Variants in ZNF536 observed in about 807,000 individuals in gnomAD.
ZNF536 encodes the protein zinc finger protein 536.
ZNF536 carries 13 observed loss-of-function variants against 84.5 expected under a neutral mutation model. That is an observed-to-expected ratio of 0.15 (90% CI 0.10 to 0.24). ZNF536 has a LOEUF of 0.24. ZNF536 is among the 10% of genes least tolerant of loss of function. The pLI, the probability that ZNF536 is intolerant of heterozygous loss-of-function variation, is 1.00. For missense variants in ZNF536, 1,536 were observed against 1,747.5 expected (o/e 0.88, Z 2.16); for synonymous variants, 811 against 742.5 (o/e 1.09, Z -1.50).
rs747462173 is a variant in ZNF536 at position 30,443,719 on chromosome 19, C to T, written c.157C>T (p.Arg53Trp). Reference sequence around the variant, plus strand: ...CCATGCCTTCCCCGAGCTCCATCCCCGGCCCAACCCCGAGGAGAAGCCCCC... The same window carrying T: ...CCATGCCTTCCCCGAGCTCCATCCCTGGCCCAACCCCGAGGAGAAGCCCCC... ...LSHAFPELHPRPNPEEKPPAS... is the reference protein window; with the variant it reads ...LSHAFPELHPWPNPEEKPPAS... Residue 53 changes from arginine (R) to tryptophan (W), a missense_variant, in exon 2 of 5, where the codon CGG becomes TGG. By Grantham distance (101) the Arg-to-Trp change is moderately radical. Around this residue, in one of 8 missense-constraint regions of ZNF536, gnomAD observed 161 missense variants for 178.5 expected, o/e 0.90. Coordinates refer to ENST00000355537, the MANE Select transcript of ZNF536 (RefSeq NM_014717.3). 1.2e-5 allele frequency: 19 copies of T among 1,613,446 alleles called. No homozygotes were observed. The highest frequency in any genetic ancestry group is 1.5e-5 in the Non-Finnish European group (18 of 1,179,804).
In ZNF536 at chr19:30,384,098, C is replaced by CTCTTTCTTTCTT. The variant is rs749685060; in HGVS notation, c.-3+11597_-3+11608dup. ...CCTCTCTTCTTCTGCCCACCTCTTT[C>CTCTTTCTTTCTT]TCTTTCTTTCTTTCTTTCTTTCTTT... is the stretch of plus-strand genomic sequence containing the variant. On this transcript the variant is annotated intron_variant, in intron 1 of 4. Transcript: ENST00000355537. Among the ~76,000 whole-genome samples the CTCTTTCTTTCTT allele has an allele frequency of 1.4e-3, 120 of 86,562 alleles. 1 individual carries two copies. Among genetic ancestry groups the CTCTTTCTTTCTT allele is most frequent in the East Asian group, 0.01 (26 of 2,590 alleles). 56.8% of individuals were successfully genotyped at this position (86,562 alleles called of 152,430 possible).
intron 2 of ZNF536, among the ~76,000 whole-genome samples, chr19:30,327,575 G>C (rs891426722): frequency 6.6e-6 from 1 of 152,184 alleles, no homozygotes; most frequent in Non-Finnish European, 1.5e-5. Context: ...TGCCGTAATT[G>C]TTCCTGCGAA....
At chr19:30,655,822 T>G (rs1271707834) in intron 1 of ZNF536, among the ~76,000 whole-genome samples, 1 of 152,188 alleles carries the variant, frequency 6.6e-6, no homozygotes, top group Non-Finnish European at 1.5e-5. Flanking sequence ...GAGGATCACT[T>G]GAGCCTAGGA....
At chr19:30,242,340 C>G (rs1408946431) in intron 1 of ZNF536, among the ~76,000 whole-genome samples, 3 of 152,142 alleles carry the variant, frequency 2.0e-5, no homozygotes, top group African/African-American at 7.2e-5. Context: ...TGATGCCTGG[C>G]TCCCCTCTGC....
intron 2 of ZNF536, among the ~76,000 whole-genome samples, chr19:30,294,154 T>C (rs572340445): frequency 3.3e-5 from 5 of 152,104 alleles, no homozygotes; most frequent in Non-Finnish European, 7.3e-5. Flanking sequence ...TGTGCTCAGC[T>C]CTAGAGGGTG....
chr19:30,519,168 G>A (rs11671098), intron 2 of ZNF536, among the ~76,000 whole-genome samples: 14,688 of 152,268 alleles, frequency 0.096, 978 homozygotes, highest in Non-Finnish European at 0.15. Flanking sequence ...AGCCTATCGC[G>A]TCCCAAGGTT....
chr19:30,671,458 G>A (rs2050547988), intron 1 of ZNF536, among the ~76,000 whole-genome samples: 1 of 152,186 alleles, frequency 6.6e-6, no homozygotes, highest in Non-Finnish European at 1.5e-5. Flanking sequence ...AGGTCACGGA[G>A]GCCTTGTCAA....
At chr19:30,648,445 G>A (rs912853500) in intron 1 of ZNF536, among the ~76,000 whole-genome samples, 1 of 152,128 alleles carries the variant, frequency 6.6e-6, no homozygotes, top group Non-Finnish European at 1.5e-5. Flanking sequence ...AAGGAGCCTG[G>A]CCCCGATGGC....
In ZNF536 at chr19:30,402,868, C is replaced by G. The variant is rs1381577358; in HGVS notation, c.-3+30312C>G. On this transcript the variant is annotated intron_variant, in intron 1 of 4. Coordinates refer to ENST00000355537, the MANE Select transcript of ZNF536 (RefSeq NM_014717.3). Reference sequence around the variant, plus strand: ...AAACTAAACTGCTCTCCTGTTTAGACTGGGTCGGAGGGGAATGTTACCCCC... The same window carrying G: ...AAACTAAACTGCTCTCCTGTTTAGAGTGGGTCGGAGGGGAATGTTACCCCC... Among the ~76,000 whole-genome samples, 4 of 144,438 alleles carry G rather than the reference C, an allele frequency of 2.8e-5. No individual in the cohort carries two copies. In the East Asian group the frequency reaches 6.0e-4, roughly 22 times the overall value. 94.8% of individuals were successfully genotyped at this position (144,438 alleles called of 152,430 possible). A position where few individuals can be genotyped will look rare whatever the true frequency, so the allele number is the denominator to read the frequency against.
At chr19:30,686,078 C>T (rs2051167265) in intron 1 of ZNF536, among the ~76,000 whole-genome samples, 1 of 152,214 alleles carries the variant, frequency 6.6e-6, no homozygotes, top group Non-Finnish European at 1.5e-5. Flanking sequence ...GCCTGCACAA[C>T]TTCTTTGCCC....
At chr19:30,505,342 GATA>G (rs1428466994) in intron 2 of ZNF536, among the ~76,000 whole-genome samples, 5 of 143,842 alleles carry the variant, frequency 3.5e-5, no homozygotes, top group Admixed American at 7.0e-5. Context: ...TATATTTTAT[GATA>G]ATAAATATAT....
At chr19:30,558,955 T>G (rs886985000), downstream of ZNF536, among the ~76,000 whole-genome samples, 1 of 152,158 alleles carries the variant, frequency 6.6e-6, no homozygotes, top group African/African-American at 2.4e-5. Flanking sequence ...GAAATGCTCA[T>G]TGAACAACCC....
intron 1 of ZNF536, among the ~76,000 whole-genome samples, chr19:30,610,769 C>T (rs1042542940): frequency 5.9e-5 from 9 of 151,916 alleles, no homozygotes; most frequent in Non-Finnish European, 1.0e-4. Context: ...TGTGTGGAGG[C>T]GGGTGGGGGG....
At chr19:30,272,069 T>C (rs1236397124) in intron 1 of ZNF536, among the ~76,000 whole-genome samples, 2 of 152,162 alleles carry the variant, frequency 1.3e-5, no homozygotes. Flanking sequence ...CCAGAAGGCT[T>C]CTGAAGGATC....
intron 1 of ZNF536, among the ~76,000 whole-genome samples, chr19:30,414,480 T>C (rs1011533649): frequency 6.6e-6 from 1 of 152,240 alleles, no homozygotes; most frequent in Non-Finnish European, 1.5e-5. Context: ...TGTTTCATTT[T>C]TTTTCTTTTC....
At chr19:30,265,206 C>T (rs1254012408) in intron 1 of ZNF536, among the ~76,000 whole-genome samples, 1 of 152,092 alleles carries the variant, frequency 6.6e-6, no homozygotes, top group East Asian at 1.9e-4. Flanking sequence ...CCAGTCGTGT[C>T]TTCAGTACCT....
intron 1 of ZNF536, among the ~76,000 whole-genome samples, chr19:30,265,201 C>T (rs934628245): frequency 6.6e-6 from 1 of 152,048 alleles, no homozygotes; most frequent in African/African-American, 2.4e-5. Context: ...CAGCCCCAGT[C>T]GTGTCTTCAG....
At chr19:30,692,120 ACGG>A (rs1419512369) in intron 1 of ZNF536, among the ~76,000 whole-genome samples, 5 of 152,200 alleles carry the variant, frequency 3.3e-5, no homozygotes, top group Admixed American at 3.3e-4. Context: ...TTTTCTTCCT[ACGG>A]ATTTTTCTTT....
At chr19:30,313,901 C>A (rs149543990) in intron 2 of ZNF536, among the ~76,000 whole-genome samples, 1 of 152,208 alleles carries the variant, frequency 6.6e-6, no homozygotes, top group Non-Finnish European at 1.5e-5. Context: ...TCCCTCGCTC[C>A]GCACTATGCG....
Sources: allele counts gnomAD v4.1 joint callset (sites outside exome capture counted in the v4.1 genomes callset), GRCh38; gene constraint gnomAD v4.1.1; regional missense constraint gnomAD v4.1.1; transcripts MANE v1.5; gene names NCBI Gene and HGNC (gene_info 2026-07-23, HGNC 2026-07-21).